NCKAP5: variants seen among roughly 807,000 people sequenced by gnomAD.
The protein encoded by NCKAP5 is nck-associated protein 5.
In NCKAP5, 92 loss-of-function variants were observed where a neutral mutation model predicts 167.0. That is an observed-to-expected ratio of 0.55 (90% CI 0.47 to 0.66). The LOEUF is 0.66. Among genes scored for constraint, NCKAP5 ranks in the 30% least tolerant of loss-of-function variants. The pLI is 0.00. For synonymous variants in NCKAP5, 891 were observed against 877.4 expected (o/e 1.02, Z -0.27); for missense variants, 2,378 against 2,315.0 (o/e 1.03, Z -0.56).
At chr2:132,937,653 A>C (rs1287168902) in intron 8 of NCKAP5, among the ~76,000 whole-genome samples, 1 of 152,218 alleles carries the variant, frequency 6.6e-6, no homozygotes, top group African/African-American at 2.4e-5. Flanking sequence ...AAGACAACTG[A>C]AGTTTGGGGA....
chr2:133,227,418 G>A (rs1004351921), intron 4 of NCKAP5, among the ~76,000 whole-genome samples: 3 of 152,108 alleles, frequency 2.0e-5, no homozygotes, highest in South Asian at 2.1e-4. Flanking sequence ...GAGTGGAGAC[G>A]GTTTGCAAAC....
At chr2:132,817,832 C>T (rs1211493142) in intron 11 of NCKAP5, among the ~76,000 whole-genome samples, 1 of 152,176 alleles carries the variant, frequency 6.6e-6, no homozygotes, top group East Asian at 1.9e-4. Context: ...GAACCCAGCC[C>T]TACTCTTAGG....
chr2:132,928,727 A>C (rs1351216966), intron 8 of NCKAP5, among the ~76,000 whole-genome samples: 2 of 152,162 alleles, frequency 1.3e-5, no homozygotes, highest in Non-Finnish European at 2.9e-5. Context: ...GGATTTAGTA[A>C]ATGGCCAAAT....
chr2:133,212,056 T>C (rs1472341700), intron 5 of NCKAP5, among the ~76,000 whole-genome samples: 1 of 152,190 alleles, frequency 6.6e-6, no homozygotes, highest in Admixed American at 6.5e-5. Flanking sequence ...TCACGAAAAC[T>C]TCACACGGGC....
intron 19 of NCKAP5, among the ~76,000 whole-genome samples, chr2:132,714,504 A>G (rs948114690): frequency 7.2e-5 from 11 of 152,202 alleles, no homozygotes; most frequent in South Asian, 4.1e-4. Flanking sequence ...AAAGGCTGAC[A>G]TGATTTATCT....
chr2:133,550,874 T>C (rs1437307795), intron 2 of NCKAP5, among the ~76,000 whole-genome samples: 1 of 147,784 alleles, frequency 6.8e-6, no homozygotes, highest in Non-Finnish European at 1.5e-5. Context: ...AAAATCTCCT[T>C]AAGCTGATAA....
intron 7 of NCKAP5, among the ~76,000 whole-genome samples, chr2:132,984,835 TATC>T (rs1009761357): frequency 1.4e-4 from 21 of 151,426 alleles, no homozygotes; most frequent in African/African-American, 4.1e-4. Flanking sequence ...CAAGGACTGA[TATC>T]ATCGTGATTT....
chr2:133,590,899 GTGTGTGTT>G, the NCKAP5 span, among the ~76,000 whole-genome samples: 1 of 21,280 alleles, frequency 4.7e-5, no homozygotes, highest in African/African-American at 7.1e-4. Context: ...TGCTGTCTGT[GTGTGTGTT>G]TGTGTGTGCA....
At chr2:132,711,167 C>T (rs1420617398) in intron 19 of NCKAP5, among the ~76,000 whole-genome samples, 4 of 152,132 alleles carry the variant, frequency 2.6e-5, no homozygotes, top group African/African-American at 9.7e-5. Context: ...AGGGTGAACC[C>T]AGGAAATCCT....
At chr2:132,889,943 T>C (rs1272129754) in intron 8 of NCKAP5, among the ~76,000 whole-genome samples, 2 of 152,118 alleles carry the variant, frequency 1.3e-5, no homozygotes, top group Non-Finnish European at 2.9e-5. Flanking sequence ...GAAGATGTCC[T>C]CTGAAGGCAA....
intron 11 of NCKAP5, among the ~76,000 whole-genome samples, chr2:132,839,261 A>G (rs1252936069): frequency 6.6e-6 from 1 of 152,154 alleles, no homozygotes; most frequent in Non-Finnish European, 1.5e-5. Flanking sequence ...GATTTTATGT[A>G]TGGTCTCTCA....
At chr2:133,433,249 A>G (rs150112461) in intron 3 of NCKAP5, among the ~76,000 whole-genome samples, 2 of 152,232 alleles carry the variant, frequency 1.3e-5, no homozygotes, top group African/African-American at 4.8e-5. Context: ...TCTGTTTTGC[A>G]TATCAACCAA....
intron 3 of NCKAP5, among the ~76,000 whole-genome samples, chr2:133,425,613 A>C (rs867434563): frequency 6.6e-6 from 1 of 152,230 alleles, no homozygotes; most frequent in African/African-American, 2.4e-5. Context: ...AATGAATGAC[A>C]ATAACATATA....
intron 2 of NCKAP5, among the ~76,000 whole-genome samples, chr2:133,555,431 G>A (rs577728073): frequency 1.3e-5 from 2 of 152,276 alleles, no homozygotes; most frequent in South Asian, 2.1e-4. Context: ...CATATACAAG[G>A]CTTATAGATC....
chr2:132,908,321 T>TTTTCTC (rs1311947000), intron 8 of NCKAP5, among the ~76,000 whole-genome samples: 3 of 152,154 alleles, frequency 2.0e-5, no homozygotes, highest in Admixed American at 1.3e-4. Context: ...CTTGGTTGTC[T>TTTTCTC]TTTCTCTTTC....
At chr2:133,590,862 CA>C in the NCKAP5 span, among the ~76,000 whole-genome samples, 913 of 151,920 alleles carry the variant, frequency 6.0e-3, 28 homozygotes, top group Admixed American at 0.053. Flanking sequence ...AAAGTTTGTT[CA>C]CAAAGTAAAT....
chr2:132,881,367 G>T (rs1246156258), intron 8 of NCKAP5, among the ~76,000 whole-genome samples: 1 of 151,946 alleles, frequency 6.6e-6, no homozygotes, highest in East Asian at 1.9e-4. Flanking sequence ...TAGAGATGGG[G>T]TTTCACCACG....
intron 3 of NCKAP5, among the ~76,000 whole-genome samples, chr2:133,442,884 C>G (rs1466958763): frequency 6.6e-6 from 1 of 152,196 alleles, no homozygotes; most frequent in Non-Finnish European, 1.5e-5. Flanking sequence ...AAAGAGGCAG[C>G]CACAGAGTGC....
intron 7 of NCKAP5, among the ~76,000 whole-genome samples, chr2:132,973,748 C>CA (rs1559007590): frequency 6.6e-6 from 1 of 150,676 alleles, no homozygotes; most frequent in African/African-American, 2.4e-5. Flanking sequence ...CACAAAAAAA[C>CA]AAAAAAGAAA....
Sources: gnomAD v4.1 joint callset for allele counts (sites outside exome capture counted in the v4.1 genomes callset) on GRCh38, gnomAD v4.1.1 for gene constraint, MANE v1.5 for transcripts, NCBI Gene and HGNC (gene_info 2026-07-23, HGNC 2026-07-21) for gene names.